The following WDR77 variants were observed in gnomAD, a reference collection of about 807,000 sequenced individuals.
WDR77 encodes the protein WD repeat domain 77, also known as methylosome protein WDR77.
WDR77 carries 31 observed loss-of-function variants against 44.0 expected under a neutral mutation model. That is an observed-to-expected ratio of 0.70 (90% CI 0.53 to 0.95). The LOEUF is 0.95. Among genes scored for constraint, WDR77 ranks in the 40% least tolerant of loss-of-function variants. WDR77 has a pLI of 0.00. For synonymous variants in WDR77, 186 were observed against 165.7 expected (o/e 1.12, Z -0.94); for missense variants, 390 against 423.9 (o/e 0.92, Z 0.70).
rs750114376 is a variant in WDR77 at position 111,441,325 on chromosome 1, G to A, written c.934C>T (p.Leu312=). Reference sequence around the variant, plus strand: ...TGGTCCCAGCCCACTGTGGTAAGCAGGGAGTGATTGAGCGGGGACCAAGTC... The same window carrying A: ...TGGTCCCAGCCCACTGTGGTAAGCAAGGAGTGATTGAGCGGGGACCAAGTC... ...DATWSPLNHS[L]LTTVGWDHQV... Residue 312 remains leucine (L), a synonymous_variant, in exon 10 of 10, where the codon CTG becomes TTG. Transcript: ENST00000235090. The A allele has an allele frequency of 2.5e-6, 4 of 1,585,388 alleles. No homozygotes were observed. The highest frequency in any genetic ancestry group is 3.4e-6 in the Non-Finnish European group (4 of 1,163,572).
At chr1:111,444,842 T>C (rs1469669266) in intron 4 of WDR77, among the ~76,000 whole-genome samples, 20 of 152,216 alleles carry the variant, frequency 1.3e-4, no homozygotes. Context: ...CTAAAAAATA[T>C]GATAGATCAT....
At chr1:111,444,886 A>G (rs1652964425) in intron 4 of WDR77, among the ~76,000 whole-genome samples, 1 of 152,238 alleles carries the variant, frequency 6.6e-6, no homozygotes, top group African/African-American at 2.4e-5. Context: ...CTTTATCTGA[A>G]TTTAAAAACA....
At chr1:111,443,052 T>A (rs1652878075) in intron 7 of WDR77, among the ~76,000 whole-genome samples, 1 of 152,236 alleles carries the variant, frequency 6.6e-6, no homozygotes. Context: ...CCACTTGCTT[T>A]GTGGATCACT....
Position 111,441,621 on chromosome 1 carries a change from A to G in WDR77, c.870-232T>C, listed in dbSNP as rs370878462. On this transcript the variant is annotated intron_variant, in intron 9 of 9. Transcript: ENST00000235090. ...GAAGAAATGCTGGATAGAACAAGACAGTGATGAGGGGCAGTAACAGGCAGC... is the reference window on the plus strand; with the variant it reads ...GAAGAAATGCTGGATAGAACAAGACGGTGATGAGGGGCAGTAACAGGCAGC... 8 of 1,292,170 alleles carry G rather than the reference A, an allele frequency of 6.2e-6. No homozygotes were observed. In the African/African-American group the frequency reaches 1.2e-4, roughly 19 times the overall value. The allele number at this position is 1,292,170 out of a possible 1,614,324, so 80.0% of individuals were successfully genotyped here. A position where few individuals can be genotyped will look rare whatever the true frequency, so the allele number is the denominator to read the frequency against.
chr1:111,441,969 T>C (rs1307296672), intron 9 of WDR77, 56 bp downstream of exon 9: 1 of 1,501,218 alleles, frequency 6.7e-7, no homozygotes, highest in Non-Finnish European at 9.2e-7. Context: ...GGAAAATGAC[T>C]CGCCCACCCA....
In WDR77 at chr1:111,442,526, G is replaced by A. The variant is rs190270522; in HGVS notation, c.800+127C>T. On this transcript the variant is annotated intron_variant, in intron 8 of 9. Transcript: ENST00000235090. ...ACACTTAAGAGATCTTCGATGTTCCGAAACCTCAGCTAGAACACTGTCTGC... is the reference window on the plus strand; with the variant it reads ...ACACTTAAGAGATCTTCGATGTTCCAAAACCTCAGCTAGAACACTGTCTGC... The A allele has an allele frequency of 5.6e-4, 342 of 605,988 alleles. 3 individuals carry two copies. The South Asian group carries it at 8.6e-3, about 15-fold the overall frequency. 37.5% of individuals were successfully genotyped at this position (605,988 alleles called of 1,614,324 possible).
At position 111,443,210 on chromosome 1, in the gene WDR77, G is replaced by A. The variant is rs567357512; in HGVS notation, c.691+113C>T. On this transcript the variant is annotated intron_variant, in intron 7 of 9. Transcript: ENST00000235090. ...ACCCTCAATTCATAATTCATCTAGT[G>A]TCCATGAGGGCTAAGACTGAGCAAC... The A allele has an allele frequency of 5.5e-4, 533 of 965,476 alleles. 4 individuals are homozygous for A. The South Asian group carries it at 7.4e-3, about 13-fold the overall frequency. 59.8% of individuals were successfully genotyped at this position (965,476 alleles called of 1,614,324 possible).
intron 4 of WDR77, 24 bp downstream of exon 4, chr1:111,447,071 G>A (rs1653069106): frequency 1.9e-6 from 3 of 1,613,448 alleles, no homozygotes; most frequent in Non-Finnish European, 2.5e-6. Flanking sequence ...CTAACACCAG[G>A]GCTAAAAATG....
Position 111,444,062 on chromosome 1 carries a change from A to C in WDR77, c.556T>G (p.Cys186Gly). Residue 186 changes from cysteine (C) to glycine (G), a missense_variant, in exon 5 of 10, where the codon TGC (cysteine) becomes GGC (glycine). Cys to Gly is a radical substitution (Grantham distance 159, BLOSUM62 -3). Transcript: ENST00000235090. ...AAGGAGCTATCTCTTACCTCGCTGCATGAAAGAAACACAGAGTCCTTGTGA... is the reference window on the plus strand; with the variant it reads ...AAGGAGCTATCTCTTACCTCGCTGCCTGAAAGAAACACAGAGTCCTTGTGA... Reference protein sequence around the residue: ...SPHKDSVFLSCSEDNRILLWD... With the variant: ...SPHKDSVFLSGSEDNRILLWD... The C allele has an allele frequency of 6.2e-7, 1 of 1,614,200 alleles. No individual in the cohort carries two copies. Among genetic ancestry groups the C allele is most frequent in the Non-Finnish European group, 8.5e-7 (1 of 1,180,040 alleles).
intron 9 of WDR77, 137 bp from the exon 10 acceptor site, chr1:111,441,526 C>G (rs1652816182): frequency 7.6e-7 from 1 of 1,320,630 alleles, no homozygotes; most frequent in Non-Finnish European, 9.7e-7. Flanking sequence ...GCCTCATCGC[C>G]AGGATAGCAG....
chr1:111,445,120 G>T (rs1477545273), intron 4 of WDR77, among the ~76,000 whole-genome samples: 1 of 152,274 alleles, frequency 6.6e-6, no homozygotes, highest in East Asian at 1.9e-4. Context: ...GCATTTTTAG[G>T]TATCAGTTTA....
chr1:111,441,054 G>T lies in WDR77; in HGVS notation c.*176C>A. 1.8e-6 allele frequency: 1 copy of T among 565,204 alleles called. No homozygotes were observed. The highest frequency in any genetic ancestry group is 2.7e-6 in the Non-Finnish European group (1 of 373,270). 35.0% of individuals were successfully genotyped at this position (565,204 alleles called of 1,614,324 possible). Reference sequence around the variant, plus strand: ...ATTTTTAAGAAAGCTTTTCCTCCCTGTGACTACAGGAACCCAGAATCCAGC... The same window carrying T: ...ATTTTTAAGAAAGCTTTTCCTCCCTTTGACTACAGGAACCCAGAATCCAGC... On this transcript the variant is annotated 3_prime_UTR_variant, in exon 10 of 10. Transcript: ENST00000235090.
At chr1:111,446,263 T>C (rs1328316678) in intron 4 of WDR77, among the ~76,000 whole-genome samples, 1 of 152,134 alleles carries the variant, frequency 6.6e-6, no homozygotes, top group African/African-American at 2.4e-5. Context: ...CTTGGAACCA[T>C]GTACACATTA....
At chr1:111,443,721 C>T (rs535430239) in intron 6 of WDR77, 146 bp downstream of exon 6, 2 of 1,486,926 alleles carry the variant, frequency 1.3e-6, no homozygotes, top group African/African-American at 2.8e-5. Context: ...GTTAGCAGAG[C>T]CTCACTGGAA....
chr1:111,443,208 G>A lies in WDR77; in HGVS notation c.691+115C>T, dbSNP rs578146852. The A allele has an allele frequency of 8.8e-6, 8 of 909,588 alleles. No individual in the cohort carries two copies. The Admixed American group carries it at 2.3e-4, about 27-fold the overall frequency. 56.3% of individuals were successfully genotyped at this position (909,588 alleles called of 1,614,324 possible). Reference sequence around the variant, plus strand: ...CCACCCTCAATTCATAATTCATCTAGTGTCCATGAGGGCTAAGACTGAGCA... The same window carrying A: ...CCACCCTCAATTCATAATTCATCTAATGTCCATGAGGGCTAAGACTGAGCA... On this transcript the variant is annotated intron_variant, in intron 7 of 9. Coordinates refer to ENST00000235090, the MANE Select transcript of WDR77 (RefSeq NM_024102.4).
intron 7 of WDR77, 69 bp from the exon 8 acceptor site, chr1:111,442,830 A>C: frequency 8.8e-7 from 1 of 1,131,196 alleles, no homozygotes; most frequent in Admixed American, 3.0e-5. Flanking sequence ...CTTGAATCCT[A>C]GTTCCTCGAG....
At chr1:111,443,436 C>A in intron 6 of WDR77, 42 bp from the exon 7 acceptor site, 1 of 1,522,482 alleles carries the variant, frequency 6.6e-7, no homozygotes, top group Non-Finnish European at 8.9e-7. Flanking sequence ...ACTCAGAGTA[C>A]AGAAGAAGCA....
chr1:111,447,106 C>T lies in WDR77; in HGVS notation c.482G>A (p.Ser161Asn). Residue 161 changes from serine (S) to asparagine (N), a missense_variant, in exon 4 of 10, where the codon AGT becomes AAT. Transcript: ENST00000235090. Reference sequence around the variant, plus strand: ...GAAAGAATACTCACCTCGGTATGAACTCAGTACCACCTGCTGAGCAAGGTC... The same window carrying T: ...GAAAGAATACTCACCTCGGTATGAATTCAGTACCACCTGCTGAGCAAGGTC... ...VWDLAQQVVL[S>N]SYRAHAAQVT... is the part of the protein sequence containing the mutation. 1 of 1,614,176 alleles carries T rather than the reference C, an allele frequency of 6.2e-7. No individual in the cohort carries two copies. Among genetic ancestry groups the T allele is most frequent in the Non-Finnish European group, 8.5e-7 (1 of 1,180,014 alleles).
Position 111,441,126 on chromosome 1 carries a change from A to T in WDR77, c.*104T>A. Reference sequence around the variant, plus strand: ...TGCCTATTAACGGCACAGATCTAGCATATCAACATACTATAGAAGGCTCCT... The same window carrying T: ...TGCCTATTAACGGCACAGATCTAGCTTATCAACATACTATAGAAGGCTCCT... On this transcript the variant is annotated 3_prime_UTR_variant, in exon 10 of 10. Coordinates refer to ENST00000235090, the MANE Select transcript of WDR77 (RefSeq NM_024102.4). The T allele has an allele frequency of 8.2e-7, 1 of 1,222,090 alleles. No individual in the cohort carries two copies. Among genetic ancestry groups the T allele is most frequent in the Non-Finnish European group, 1.1e-6 (1 of 931,710 alleles). 75.7% of individuals were successfully genotyped at this position (1,222,090 alleles called of 1,614,324 possible).
Sources: gnomAD v4.1 joint callset for allele counts (sites outside exome capture counted in the v4.1 genomes callset) on GRCh38, gnomAD v4.1.1 for gene constraint, MANE v1.5 for transcripts, NCBI Gene and HGNC (gene_info 2026-07-23, HGNC 2026-07-21) for gene names.